The following WFDC11 variants were observed in gnomAD, a reference collection of about 807,000 sequenced individuals.
The protein encoded by WFDC11 is protein WFDC11.
In WFDC11, 9 loss-of-function variants were observed where a neutral mutation model predicts 9.9. The ratio of observed to expected loss-of-function variants is 0.91; its 90% CI spans 0.55 to 1.58. WFDC11 has a LOEUF of 1.58. WFDC11 is among the 40% of genes most tolerant of loss of function. The pLI is 0.00. For synonymous variants in WFDC11, 32 were observed against 33.3 expected, an observed-to-expected ratio of 0.96 and a Z score of 0.13; for missense variants, 106 against 101.7, an observed-to-expected ratio of 1.04 and a Z score of -0.18.
intron 2 of WFDC11, among the ~76,000 whole-genome samples, chr20:45,655,798 CAGAG>C (rs2145618209): frequency 6.6e-6 from 1 of 152,238 alleles, no homozygotes; most frequent in African/African-American, 2.4e-5. Context: ...AACAGACAAA[CAGAG>C]AGCCAAATCA....
intron 2 of WFDC11, among the ~76,000 whole-genome samples, chr20:45,663,897 T>C (rs1983128882): frequency 1.3e-5 from 2 of 152,196 alleles, no homozygotes; most frequent in Admixed American, 6.5e-5. Flanking sequence ...GAAGAATGTA[T>C]ATTGTTGATT....
intron 2 of WFDC11, among the ~76,000 whole-genome samples, chr20:45,661,548 T>C (rs1237391629): frequency 6.6e-6 from 1 of 152,232 alleles, no homozygotes; most frequent in Admixed American, 6.5e-5. Flanking sequence ...TTTATGGTTT[T>C]AGGTATAACG....
chr20:45,661,511 G>A (rs574766619), intron 2 of WFDC11, among the ~76,000 whole-genome samples: 19 of 152,324 alleles, frequency 1.2e-4, no homozygotes, highest in African/African-American at 4.6e-4. Context: ...GTCCTGAATG[G>A]CAATGCCTAG....
intron 2 of WFDC11, among the ~76,000 whole-genome samples, chr20:45,665,575 T>C (rs907432153): frequency 2.0e-5 from 3 of 152,236 alleles, no homozygotes; most frequent in African/African-American, 7.2e-5. Flanking sequence ...TGGTCTTTGA[T>C]GTTGGTGACC....
chr20:45,669,045 C>G (rs1228758533), intron 1 of WFDC11, among the ~76,000 whole-genome samples: 1 of 152,132 alleles, frequency 6.6e-6, no homozygotes, highest in African/African-American at 2.4e-5. Context: ...TTTCCTTCAT[C>G]TTGACCCTGA....
At chr20:45,667,835 A>C (rs1040433730) in intron 1 of WFDC11, among the ~76,000 whole-genome samples, 35 of 152,206 alleles carry the variant, frequency 2.3e-4, no homozygotes, top group African/African-American at 8.2e-4. Context: ...TCTGGCATAT[A>C]AGCAGTGCTA....
At chr20:45,652,769 G>A (rs938913159) in intron 2 of WFDC11, among the ~76,000 whole-genome samples, 5 of 152,260 alleles carry the variant, frequency 3.3e-5, no homozygotes, top group Non-Finnish European at 7.4e-5. Flanking sequence ...CAAGGCATGA[G>A]AACTATGTGA....
chr20:45,667,410 G>A (rs1208778159), intron 1 of WFDC11, among the ~76,000 whole-genome samples: 1 of 152,240 alleles, frequency 6.6e-6, no homozygotes, highest in East Asian at 1.9e-4. Flanking sequence ...AAGTCTGGCT[G>A]ATTGTGGACA....
At chr20:45,667,622 C>T (rs901003943) in intron 1 of WFDC11, among the ~76,000 whole-genome samples, 4 of 152,136 alleles carry the variant, frequency 2.6e-5, no homozygotes, top group African/African-American at 9.7e-5. Flanking sequence ...AAGAGGGCTT[C>T]GAAAATATCA....
chr20:45,651,386 T>C (rs1982802444), intron 2 of WFDC11, among the ~76,000 whole-genome samples: 1 of 152,034 alleles, frequency 6.6e-6, no homozygotes, highest in Non-Finnish European at 1.5e-5. Flanking sequence ...GTTTTTTTTG[T>C]TTTGTTTGTT....
intron 2 of WFDC11, among the ~76,000 whole-genome samples, chr20:45,652,000 C>T (rs976054115): frequency 6.6e-6 from 1 of 152,232 alleles, no homozygotes; most frequent in Non-Finnish European, 1.5e-5. Flanking sequence ...GTAGACTCCA[C>T]CTCTGGGGGA....
chr20:45,651,615 G>A (rs945747574), intron 2 of WFDC11, among the ~76,000 whole-genome samples: 2 of 152,188 alleles, frequency 1.3e-5, no homozygotes, highest in African/African-American at 4.8e-5. Context: ...AGCACACCGA[G>A]CATGAGCCAA....
chr20:45,661,240 C>G (rs1281434443), intron 2 of WFDC11, among the ~76,000 whole-genome samples: 1 of 152,138 alleles, frequency 6.6e-6, no homozygotes, highest in Non-Finnish European at 1.5e-5. Flanking sequence ...TGTTCATGTC[C>G]TTCACCCACT....
Position 45,649,376 on chromosome 20 carries a change from A to C in WFDC11, c.124T>G (p.Cys42Gly), listed in dbSNP as rs752103285. 6.2e-7 allele frequency: 1 copy of C among 1,614,102 alleles called. No individual in the cohort carries two copies. The highest frequency in any genetic ancestry group is 1.1e-5 in the South Asian group (1 of 91,070). ...YDRKELLLEE[C>G]WGKPNVKECT... ...TCTTTGACATTTGGCTTTCCCCAGC[A>C]TTCTTCAAGTAACAATTCCTTCCCT... Residue 42 changes from cysteine (C) to glycine (G), a missense_variant, in exon 4 of 5, where the codon TGC (cysteine) becomes GGC (glycine). Physicochemically the swap from Cys to Gly is radical, Grantham distance 159. Transcript: ENST00000324384.
At chr20:45,661,081 G>T (rs1983051805) in intron 2 of WFDC11, among the ~76,000 whole-genome samples, 1 of 152,108 alleles carries the variant, frequency 6.6e-6, no homozygotes, top group South Asian at 2.1e-4. Flanking sequence ...AGCACCTATT[G>T]TTTCCTGACT....
chr20:45,649,580 A>C (rs576542534), intron 3 of WFDC11, among the ~76,000 whole-genome samples, 181 bp from the exon 4 acceptor site: 19 of 152,168 alleles, frequency 1.2e-4, no homozygotes, highest in Non-Finnish European at 2.4e-4. Flanking sequence ...GTCATTATAC[A>C]TTCACTGACC....
chr20:45,657,313 C>T (rs1448560440), intron 2 of WFDC11, among the ~76,000 whole-genome samples: 1 of 151,706 alleles, frequency 6.6e-6, no homozygotes, highest in Non-Finnish European at 1.5e-5. Flanking sequence ...AACCATCATT[C>T]TCAGCAAACT....
chr20:45,666,170 G>A (rs957900630), intron 2 of WFDC11, among the ~76,000 whole-genome samples: 14 of 152,136 alleles, frequency 9.2e-5, no homozygotes, highest in East Asian at 1.9e-4. Flanking sequence ...CTCGCATTTC[G>A]ATCTCAGACT....
intron 2 of WFDC11, among the ~76,000 whole-genome samples, chr20:45,663,794 G>T (rs59326186): frequency 6.6e-6 from 1 of 152,222 alleles, no homozygotes; most frequent in African/African-American, 2.4e-5. Flanking sequence ...CTGAGAGACA[G>T]TTTGTTGTGA....
Sources: allele counts gnomAD v4.1 joint callset (sites outside exome capture counted in the v4.1 genomes callset), GRCh38; gene constraint gnomAD v4.1.1; transcripts MANE v1.5; gene names NCBI Gene and HGNC (gene_info 2026-07-23, HGNC 2026-07-21).